The following LINC01488 variants were observed in gnomAD, a reference collection of about 807,000 sequenced individuals.
The protein encoded by LINC01488 is CCND1-upstream intergenic DNA repair 1.
intron 1 of LINC01488, among the ~76,000 whole-genome samples, chr11:69,486,755 G>A (rs953491130): frequency 3.3e-5 from 5 of 152,278 alleles, no homozygotes; most frequent in Admixed American, 2.0e-4. Context: ...ATAAGCCCCC[G>A]CGATGGGTGG....
chr11:69,488,902 G>A (rs1236251124), intron 1 of LINC01488, among the ~76,000 whole-genome samples: 2 of 152,168 alleles, frequency 1.3e-5, no homozygotes, highest in Middle Eastern at 3.2e-3. Flanking sequence ...CTTGACACGC[G>A]TCTCTCCTTC....
intron 1 of LINC01488, among the ~76,000 whole-genome samples, chr11:69,484,302 G>A (rs1049393048): frequency 1.3e-5 from 2 of 152,188 alleles, no homozygotes; most frequent in Non-Finnish European, 1.5e-5. Flanking sequence ...CTCTGTGGGA[G>A]AAGGGAGGGA....
intron 1 of LINC01488, among the ~76,000 whole-genome samples, chr11:69,483,200 C>T (rs79745647): frequency 2.7e-4 from 41 of 152,296 alleles, no homozygotes; most frequent in South Asian, 8.3e-4. Flanking sequence ...TGCTTTTCCA[C>T]GGTCTGGAGT....
At chr11:69,489,876 G>A (rs564262927) in intron 1 of LINC01488, among the ~76,000 whole-genome samples, 70 of 152,302 alleles carry the variant, frequency 4.6e-4, no homozygotes, top group Middle Eastern at 3.4e-3. Flanking sequence ...CTCTCAGCGG[G>A]TGAGGAGGGT....
At chr11:69,491,625 C>G (rs1380798477) in intron 3 of LINC01488, 7 of 152,636 alleles carry the variant, frequency 4.6e-5, no homozygotes, top group African/African-American at 1.4e-4. Flanking sequence ...ATATGCTAGC[C>G]CTGTGTTCTG....
chr11:69,488,323 C>G (rs1301677968), intron 1 of LINC01488: 1 of 152,368 alleles, frequency 6.6e-6, no homozygotes. Context: ...GAGGGAGACA[C>G]AGCAAGGCCC....
At chr11:69,486,728 C>T (rs113165381) in intron 1 of LINC01488, among the ~76,000 whole-genome samples, 4,199 of 152,284 alleles carry the variant, frequency 0.028, 77 homozygotes, top group Middle Eastern at 0.068. Flanking sequence ...GAAGGCCCAG[C>T]CCATCTGAGG....
intron 1 of LINC01488, among the ~76,000 whole-genome samples, chr11:69,486,299 A>G (rs1857116067): frequency 6.6e-6 from 1 of 152,008 alleles, no homozygotes; most frequent in South Asian, 2.1e-4. Context: ...CACTCGGACC[A>G]TCTCAGCCCT....
At chr11:69,486,852 C>T (rs1307139161) in intron 1 of LINC01488, among the ~76,000 whole-genome samples, 1 of 152,232 alleles carries the variant, frequency 6.6e-6, no homozygotes, top group Admixed American at 6.5e-5. Context: ...TGCTCCTGGC[C>T]CTGCCCCACT....
exon 3 of LINC01488, chr11:69,491,256 C>T (rs1467072243): frequency 1.3e-5 from 2 of 152,294 alleles, no homozygotes; most frequent in Admixed American, 6.6e-5. Flanking sequence ...CCAGGTTGAG[C>T]TTTGCAGGCT....
exon 3 of LINC01488, chr11:69,491,167 A>T (rs1401201347): frequency 2.6e-5 from 4 of 152,358 alleles, no homozygotes. Context: ...TGAGGTGGCC[A>T]GTGGGAGAGG....
rs77797605 is a variant in LINC01488 at position 69,491,866 on chromosome 11, G to A, written n.577-235G>A. The A allele has an allele frequency of 9.1e-3, 1,388 of 152,738 alleles. 5 individuals carry two copies. The highest frequency in any genetic ancestry group is 0.014 in the Non-Finnish European group (961 of 68,320). 9.5% of individuals were successfully genotyped at this position (152,738 alleles called of 1,614,324 possible). On this transcript the variant is annotated intron_variant and non_coding_transcript_variant, in intron 3 of 3. Coordinates refer to ENST00000644563, the Ensembl canonical transcript of LINC01488. Reference sequence around the variant, plus strand: ...AGTCGCAAGTGATGCAGAGTAGAGCGGGGACATTTGGAGCACAGTGGACAG... The same window carrying A: ...AGTCGCAAGTGATGCAGAGTAGAGCAGGGACATTTGGAGCACAGTGGACAG...
intron 1 of LINC01488, among the ~76,000 whole-genome samples, chr11:69,485,274 A>C (rs1857097513): frequency 1.3e-5 from 2 of 152,182 alleles, no homozygotes; most frequent in Non-Finnish European, 2.9e-5. Flanking sequence ...CCAGACCCTT[A>C]AGGTTCCAAG....
At chr11:69,484,929 G>A (rs1391173429) in intron 1 of LINC01488, among the ~76,000 whole-genome samples, 1 of 152,230 alleles carries the variant, frequency 6.6e-6, no homozygotes, top group Non-Finnish European at 1.5e-5. Flanking sequence ...TCTAGTGCAT[G>A]TGATTTACAA....
At chr11:69,482,847 CA>C (rs1857061843) in intron 1 of LINC01488, among the ~76,000 whole-genome samples, 1 of 152,174 alleles carries the variant, frequency 6.6e-6, no homozygotes, top group African/African-American at 2.4e-5. Flanking sequence ...GGCTCGTAGA[CA>C]GCATCTTCTC....
At chr11:69,482,682 G>T (rs1440358750) in intron 1 of LINC01488, among the ~76,000 whole-genome samples, 1 of 152,220 alleles carries the variant, frequency 6.6e-6, no homozygotes, top group African/African-American at 2.4e-5. Flanking sequence ...AGAGAGAGAA[G>T]AAAGTTACAT....
At chr11:69,484,885 T>A (rs1216101103) in intron 1 of LINC01488, among the ~76,000 whole-genome samples, 1 of 152,258 alleles carries the variant, frequency 6.6e-6, no homozygotes, top group African/African-American at 2.4e-5. Context: ...GAGTCTTCAC[T>A]GGCTCCTTTG....
At chr11:69,488,826 G>A (rs1434719299) in intron 1 of LINC01488, among the ~76,000 whole-genome samples, 2 of 152,158 alleles carry the variant, frequency 1.3e-5, no homozygotes, top group South Asian at 4.1e-4. Flanking sequence ...AGTGCCGGGG[G>A]CACCACCAAG....
intron 1 of LINC01488, among the ~76,000 whole-genome samples, chr11:69,484,265 G>T (rs1857080298): frequency 6.6e-6 from 1 of 152,316 alleles, no homozygotes; most frequent in East Asian, 1.9e-4. Context: ...AGGAGAGTCA[G>T]CGCTGCCCGG....
Sources: allele counts gnomAD v4.1 joint callset (sites outside exome capture counted in the v4.1 genomes callset), GRCh38; gene constraint gnomAD v4.1.1; transcripts MANE v1.5; gene names NCBI Gene and HGNC (gene_info 2026-07-23, HGNC 2026-07-21).